Variants in CSMD1 observed in about 807,000 individuals in gnomAD.
The protein encoded by CSMD1 is CUB and Sushi multiple domains 1, also known as CUB and sushi domain-containing protein 1.
Under a neutral mutation model 417.5 loss-of-function variants are expected in CSMD1, and 213 were observed. The ratio of observed to expected loss-of-function variants is 0.51; its 90% confidence interval spans 0.46 to 0.57. CSMD1 has a LOEUF of 0.57. Among genes scored for constraint, CSMD1 ranks in the 20% least tolerant of loss-of-function variants. The pLI is 0.00. For missense variants in CSMD1, 6,923 were observed against 4,529.7 expected (o/e 1.53, Z -15.17); for synonymous variants, 2,862 against 1,736.8 (o/e 1.65, Z -16.11).
chr8:4,076,564 A>T (rs1217008956), intron 3 of CSMD1, among the ~76,000 whole-genome samples: 2 of 152,236 alleles, frequency 1.3e-5, no homozygotes, highest in African/African-American at 4.8e-5. Flanking sequence ...GCTAAAAGAA[A>T]ATGAAATAAT....
intron 1 of CSMD1, among the ~76,000 whole-genome samples, chr8:4,933,853 T>A (rs1807418831): frequency 6.6e-6 from 1 of 152,202 alleles, no homozygotes; most frequent in East Asian, 1.9e-4. Context: ...CTATAGATAT[T>A]TACAAAGATA....
At chr8:3,207,292 C>T (rs1211440711) in intron 30 of CSMD1, among the ~76,000 whole-genome samples, 1 of 150,550 alleles carries the variant, frequency 6.6e-6, no homozygotes, top group South Asian at 2.1e-4. Context: ...AATTACTCGG[C>T]GCCCGCCAAC....
At chr8:4,179,768 A>G (rs923150892) in intron 3 of CSMD1, among the ~76,000 whole-genome samples, 4 of 151,800 alleles carry the variant, frequency 2.6e-5, no homozygotes, top group South Asian at 2.1e-4. Context: ...AGTGGTGAAC[A>G]ATATGAACAG....
intron 10 of CSMD1, among the ~76,000 whole-genome samples, chr8:3,546,731 G>T (rs7008331): frequency 0.026 from 4,006 of 152,178 alleles, 161 homozygotes; most frequent in African/African-American, 0.078. Flanking sequence ...AAGATAAAAG[G>T]AGCTGCAGAA....
chr8:3,903,805 T>G (rs1253154629), intron 5 of CSMD1, among the ~76,000 whole-genome samples: 1 of 152,160 alleles, frequency 6.6e-6, no homozygotes, highest in Non-Finnish European at 1.5e-5. Context: ...CAGTGTTCCA[T>G]GGGTCATGTT....
chr8:3,651,737 T>C (rs1797867769), intron 7 of CSMD1, among the ~76,000 whole-genome samples: 1 of 150,922 alleles, frequency 6.6e-6, no homozygotes, highest in Non-Finnish European at 1.5e-5. Context: ...ACAGCGTGCT[T>C]ACTATCATCA....
intron 1 of CSMD1, among the ~76,000 whole-genome samples, chr8:4,812,901 G>T (rs150717351): frequency 6.6e-6 from 1 of 152,076 alleles, no homozygotes; most frequent in African/African-American, 2.4e-5. Context: ...AGGTAATATT[G>T]CTTGTATCAG....
intron 1 of CSMD1, among the ~76,000 whole-genome samples, chr8:4,826,963 C>G (rs1437253037): frequency 2.0e-5 from 3 of 152,102 alleles, no homozygotes; most frequent in African/African-American, 7.2e-5. Context: ...TTTGTGCTCA[C>G]TACACGTTGA....
chr8:3,467,275 C>G (rs922525648), intron 12 of CSMD1, among the ~76,000 whole-genome samples: 8 of 152,180 alleles, frequency 5.3e-5, no homozygotes, highest in African/African-American at 1.9e-4. Flanking sequence ...TGATGTGTAT[C>G]TCAATGCTGC....
chr8:4,362,396 G>C (rs560830548), intron 3 of CSMD1, among the ~76,000 whole-genome samples: 1 of 129,476 alleles, frequency 7.7e-6, no homozygotes, highest in Non-Finnish European at 1.6e-5. Flanking sequence ...CCTGGGGACA[G>C]AGTCTCAGGT....
At chr8:4,030,555 G>C (rs139398664) in intron 4 of CSMD1, among the ~76,000 whole-genome samples, 3 of 152,126 alleles carry the variant, frequency 2.0e-5, no homozygotes, top group Non-Finnish European at 4.4e-5. Flanking sequence ...CCTTGGCCCG[G>C]CCCTCAAAAC....
intron 41 of CSMD1, among the ~76,000 whole-genome samples, chr8:3,139,160 C>G (rs867673008): frequency 3.8e-4 from 58 of 152,288 alleles, no homozygotes; most frequent in Middle Eastern, 3.4e-3. Context: ...AGGTGGAAAA[C>G]AAACATTGTG....
At chr8:4,641,385 C>A (rs373730614) in intron 1 of CSMD1, among the ~76,000 whole-genome samples, 6 of 152,078 alleles carry the variant, frequency 3.9e-5, no homozygotes, top group African/African-American at 1.4e-4. Context: ...GATTTCTACT[C>A]CTTAGATAAG....
chr8:4,715,917 C>A (rs928890609), intron 1 of CSMD1, among the ~76,000 whole-genome samples: 1 of 152,192 alleles, frequency 6.6e-6, no homozygotes, highest in African/African-American at 2.4e-5. Context: ...CTATTCTTCA[C>A]ATAATAGCTA....
intron 3 of CSMD1, among the ~76,000 whole-genome samples, chr8:4,058,555 G>C (rs1324206321): frequency 2.0e-5 from 3 of 151,802 alleles, no homozygotes; most frequent in African/African-American, 7.3e-5. Flanking sequence ...GCCCTGGCCA[G>C]AACTTCCAAC....
chr8:3,126,587 C>T (rs562856843), intron 41 of CSMD1, among the ~76,000 whole-genome samples: 4 of 152,196 alleles, frequency 2.6e-5, no homozygotes, highest in South Asian at 2.1e-4. Context: ...CAAGTGCACA[C>T]ATACAGAAGC....
At chr8:3,264,413 C>A (rs1044446782) in intron 26 of CSMD1, among the ~76,000 whole-genome samples, 5 of 152,070 alleles carry the variant, frequency 3.3e-5, no homozygotes, top group Admixed American at 6.5e-5. Context: ...TCGCTATGTG[C>A]CTTTTTGCCA....
chr8:4,111,408 A>G (rs1212318803), intron 3 of CSMD1, among the ~76,000 whole-genome samples: 1 of 152,180 alleles, frequency 6.6e-6, no homozygotes, highest in Admixed American at 6.5e-5. Flanking sequence ...ATGTATCTTT[A>G]TTATAGAATT....
intron 5 of CSMD1, among the ~76,000 whole-genome samples, chr8:3,773,516 G>A (rs1430544846): frequency 1.3e-5 from 2 of 152,048 alleles, no homozygotes; most frequent in East Asian, 1.9e-4. Context: ...TGAACTCCTG[G>A]ACTCAAGTGA....
Sources: gnomAD v4.1 joint callset for allele counts (sites outside exome capture counted in the v4.1 genomes callset) on GRCh38, gnomAD v4.1.1 for gene constraint, MANE v1.5 for transcripts, NCBI Gene and HGNC (gene_info 2026-07-23, HGNC 2026-07-21) for gene names.